The following DNAAF4 variants were observed in gnomAD, a reference collection of about 807,000 sequenced individuals.
DNAAF4 encodes dynein assembly factor 4, axonemal.
In DNAAF4, 43 loss-of-function variants were observed where a neutral mutation model predicts 51.8. The ratio of observed to expected loss-of-function variants is 0.83; its 90% confidence interval spans 0.65 to 1.07. The LOEUF (loss-of-function observed/expected upper bound fraction) is 1.07. Ranked by LOEUF, DNAAF4 falls within the 50% of genes least tolerant of loss-of-function variation. The pLI, the probability that DNAAF4 is intolerant of heterozygous loss-of-function variation, is 0.00. For synonymous variants in DNAAF4, 194 were observed against 165.6 expected (o/e 1.17, Z -1.32); for missense variants, 581 against 493.0 (o/e 1.18, Z -1.69).
At chr15:55,495,321 T>G (rs1179311329) in intron 3 of DNAAF4, 1 of 152,116 alleles carries the variant, frequency 6.6e-6, no homozygotes, top group Non-Finnish European at 1.5e-5. Flanking sequence ...ACCTTGGTCT[T>G]GGAAATTAAA....
rs891804468 is a variant in DNAAF4 at position 55,497,109 on chromosome 15, C to T, written c.271+603G>A. Among the ~76,000 whole-genome samples, 4 of 152,124 alleles carry T rather than the reference C, an allele frequency of 2.6e-5. No homozygotes were observed. The South Asian group carries it at 8.3e-4, about 32-fold the overall frequency. On this transcript the variant is annotated intron_variant, in intron 3 of 9. Coordinates refer to ENST00000321149, the MANE Select transcript of DNAAF4 (RefSeq NM_130810.4). The stretch of plus-strand genomic sequence containing the variant: ...TTCCTGTTCTAAGCGGCCTACATCC[C>T]CTCCCCCTTCCCCTATTAAGACAGT...
chr15:55,490,350 C>T (rs79026198), intron 4 of DNAAF4, among the ~76,000 whole-genome samples: 2,071 of 151,982 alleles, frequency 0.014, 35 homozygotes, highest in African/African-American at 0.04. Flanking sequence ...GTAATGGTTA[C>T]ACAACTCTGA....
At chr15:55,480,644 C>G (rs1172369891) in intron 4 of DNAAF4, among the ~76,000 whole-genome samples, 1 of 152,068 alleles carries the variant, frequency 6.6e-6, no homozygotes, top group African/African-American at 2.4e-5. Flanking sequence ...AGCCACCCAA[C>G]TCATACCCTT....
chr15:55,491,737 A>C (rs1223859599), intron 3 of DNAAF4, among the ~76,000 whole-genome samples: 9 of 140,128 alleles, frequency 6.4e-5, no homozygotes, highest in Non-Finnish European at 1.2e-4. Context: ...ATAATATAAT[A>C]TATAATATTA....
intron 3 of DNAAF4, among the ~76,000 whole-genome samples, chr15:55,492,692 A>G (rs540425590): frequency 2.3e-4 from 35 of 152,046 alleles, no homozygotes; most frequent in African/African-American, 7.0e-4. Context: ...GGTGGGCATC[A>G]CCACGCCCAC....
At position 55,489,674 on chromosome 15, in the gene DNAAF4, CAAAAAAAA is replaced by C. The variant is rs756823133; in HGVS notation, c.405+1441_405+1448del. On this transcript the variant is annotated intron_variant, in intron 4 of 9. Transcript: ENST00000321149. ...TGGGCAACAGAGCCAGACACCATTT[CAAAAAAAA>C]AAAAAAAAAAAGTTAAGTGGAAGTG... Among the ~76,000 whole-genome samples, 71 of 80,838 alleles carry C rather than the reference CAAAAAAAA, an allele frequency of 8.8e-4. No individual in the cohort carries two copies. In the South Asian group the frequency reaches 0.029, roughly 33 times the overall value. 53.0% of individuals were successfully genotyped at this position (80,838 alleles called of 152,430 possible). A position where few individuals can be genotyped will look rare whatever the true frequency, so the allele number is the denominator to read the frequency against.
intron 6 of DNAAF4, among the ~76,000 whole-genome samples, chr15:55,440,391 A>T (rs904190904): frequency 8.0e-5 from 12 of 150,240 alleles, no homozygotes; most frequent in Non-Finnish European, 1.6e-4. Context: ...ATATATATAT[A>T]TTTTTGAGAC....
Position 55,498,194 on chromosome 15 carries a change from C to T in DNAAF4, c.123+13G>A, listed in dbSNP as rs2058666159. ...CACCCCCGGAGACCGGCAGGCAAGA[C>T]TTGCATTCTTACCTTCAGATAGTTT... On this transcript the variant is annotated intron_variant, in intron 2 of 9. Coordinates refer to ENST00000321149, the MANE Select transcript of DNAAF4 (RefSeq NM_130810.4). 3.1e-6 allele frequency: 5 copies of T among 1,613,928 alleles called. No homozygotes were observed. Among genetic ancestry groups the T allele is most frequent in the Non-Finnish European group, 4.2e-6 (5 of 1,179,964 alleles).
chr15:55,435,083 A>G, intron 7 of DNAAF4, 25 bp from the exon 8 acceptor site: 1 of 1,565,508 alleles, frequency 6.4e-7, no homozygotes, highest in Admixed American at 2.1e-5. Context: ...ACAGAGAAGA[A>G]AAACAATTTA....
chr15:55,485,994 C>CA (rs55936805), intron 4 of DNAAF4, among the ~76,000 whole-genome samples: 18,708 of 77,438 alleles, frequency 0.24, 2,588 homozygotes, highest in Middle Eastern at 0.33. Flanking sequence ...GACTCCATCT[C>CA]AAAAAAAAAA....
rs192817338 is a variant in DNAAF4 at position 55,439,194 on chromosome 15, G to A, written c.893+278C>T. On this transcript the variant is annotated intron_variant, in intron 7 of 9. Transcript: ENST00000321149. ...TAGCTCACTGCAGCCATGAACTCCT[G>A]GGCTTGGGGGATCCTCCCGCCGCAG... Among the ~76,000 whole-genome samples, 497 of 152,256 alleles carry A rather than the reference G, an allele frequency of 3.3e-3. 1 individual carries two copies. The highest frequency in any genetic ancestry group is 0.011 in the African/African-American group (445 of 41,560).
intron 4 of DNAAF4, among the ~76,000 whole-genome samples, chr15:55,479,217 C>A (rs1034310913): frequency 1.3e-5 from 2 of 151,590 alleles, no homozygotes; most frequent in African/African-American, 4.9e-5. Flanking sequence ...GAGAACAAAA[C>A]CACTTGGGCA....
intron 5 of DNAAF4, among the ~76,000 whole-genome samples, chr15:55,460,534 C>T (rs550122059): frequency 3.9e-5 from 6 of 152,106 alleles, no homozygotes; most frequent in African/African-American, 1.4e-4. Context: ...TGAGATAGCA[C>T]CACAATAATA....
At position 55,485,452 on chromosome 15, in the gene DNAAF4, T is replaced by A. The variant is rs138926524; in HGVS notation, c.405+5671A>T. Among the ~76,000 whole-genome samples the A allele has an allele frequency of 6.8e-3, 1,028 of 152,294 alleles. 12 individuals carry two copies. Among genetic ancestry groups the A allele is most frequent in the Non-Finnish European group, 0.012 (798 of 68,022 alleles). ...CATTTTGAGGTCCTATGGCATTAAA[T>A]AGACAACTAGCAACTCATACCTTAT... On this transcript the variant is annotated intron_variant, in intron 4 of 9. Coordinates refer to ENST00000321149, the MANE Select transcript of DNAAF4 (RefSeq NM_130810.4).
intron 5 of DNAAF4, among the ~76,000 whole-genome samples, chr15:55,460,117 A>G (rs918218586): frequency 6.6e-6 from 1 of 152,002 alleles, no homozygotes; most frequent in Non-Finnish European, 1.5e-5. Context: ...AAATATCACA[A>G]TCCTAAATAT....
intron 3 of DNAAF4, chr15:55,495,200 T>A (rs1595956888): frequency 1.1e-5 from 1 of 88,012 alleles, no homozygotes. Flanking sequence ...AGTCTGGGGC[T>A]CACTAAAAAA....
Position 55,434,902 on chromosome 15 carries a change from T to G in DNAAF4, c.1047+3A>C, listed in dbSNP as rs1470414369. ...ACCATATATCATACATAGATATCCA[T>G]ACCTTAGAAGAATCTTCAATAGCCT... On this transcript the variant is annotated splice_donor_region_variant and intron_variant, in intron 8 of 9. Transcript: ENST00000321149. 1 of 1,601,524 alleles carries G rather than the reference T, an allele frequency of 6.2e-7. No individual in the cohort carries two copies. Among genetic ancestry groups the G allele is most frequent in the Admixed American group, 1.8e-5 (1 of 56,172 alleles).
intron 3 of DNAAF4, among the ~76,000 whole-genome samples, chr15:55,491,785 T>A: frequency 7.0e-6 from 1 of 142,236 alleles, no homozygotes; most frequent in Non-Finnish European, 1.5e-5. Flanking sequence ...AGGTAAGGTT[T>A]TATATATATT....
chr15:55,507,880 T>C (rs1567040335), intron 1 of DNAAF4, among the ~76,000 whole-genome samples: 1 of 152,028 alleles, frequency 6.6e-6, no homozygotes, highest in Non-Finnish European at 1.5e-5. Flanking sequence ...ACAAATAAAA[T>C]TAAATACAGA....
Sources: allele counts gnomAD v4.1 joint callset (sites outside exome capture counted in the v4.1 genomes callset), GRCh38; gene constraint gnomAD v4.1.1; transcripts MANE v1.5; gene names NCBI Gene and HGNC (gene_info 2026-07-23, HGNC 2026-07-21).